Variants in NPAT observed in about 807,000 individuals in gnomAD.
NPAT encodes protein NPAT.
NPAT carries 52 observed loss-of-function variants against 130.7 expected under a neutral mutation model. That is an observed-to-expected ratio of 0.40 (90% CI 0.32 to 0.50). NPAT has a LOEUF of 0.50. Among genes scored for constraint, NPAT ranks in the 20% least tolerant of loss-of-function variants. The pLI is 0.68. For missense variants in NPAT, 1,687 were observed against 1,662.6 expected (o/e 1.01, Z -0.26); for synonymous variants, 580 against 584.8 (o/e 0.99, Z 0.12).
intron 1 of NPAT, among the ~76,000 whole-genome samples, chr11:108,218,493 G>A (rs907836068): frequency 4.6e-5 from 7 of 152,264 alleles, no homozygotes; most frequent in East Asian, 1.9e-4. Flanking sequence ...ATAATTCTTA[G>A]GAAGCCGTAC....
At position 108,217,135 on chromosome 11, in the gene NPAT, A is replaced by C. The variant is rs1297300924; in HGVS notation, c.37+5365T>G. Among the ~76,000 whole-genome samples the C allele has an allele frequency of 2.0e-5, 3 of 152,114 alleles. No homozygotes were observed. The East Asian group carries it at 5.8e-4, about 29-fold the overall frequency. On this transcript the variant is annotated intron_variant, in intron 1 of 17. Coordinates refer to ENST00000278612, the MANE Select transcript of NPAT (RefSeq NM_002519.3). Reference sequence around the variant, plus strand: ...AAACTCCAAAGATGTGCACGTTGTTAACTGGTGTGTCTAAATTATTACAGT... The same window carrying C: ...AAACTCCAAAGATGTGCACGTTGTTCACTGGTGTGTCTAAATTATTACAGT...
At chr11:108,188,783 A>T (rs1307849397) in intron 6 of NPAT, among the ~76,000 whole-genome samples, 1 of 152,256 alleles carries the variant, frequency 6.6e-6, no homozygotes, top group Non-Finnish European at 1.5e-5. Context: ...ACTGACATCA[A>T]CAAAGGCAAG....
chr11:108,161,561 T>C lies in NPAT; in HGVS notation c.3525A>G (p.Val1175=). Reference sequence around the variant, plus strand: ...AATTTTCTGGATTTTTCTGTCTTTCTACATCGCTGCATAATTCATTCTCCT... The same window carrying C: ...AATTTTCTGGATTTTTCTGTCTTTCCACATCGCTGCATAATTCATTCTCCT... ...ANKENELCSD[V]ERQKNPENSK... Residue 1175 remains valine, a synonymous_variant, in exon 17 of 18, where the codon GTA becomes GTG. Transcript: ENST00000278612. 1 of 1,614,224 alleles carries C rather than the reference T, an allele frequency of 6.2e-7. No individual in the cohort carries two copies. Among genetic ancestry groups the C allele is most frequent in the Non-Finnish European group, 8.5e-7 (1 of 1,180,028 alleles).
At chr11:108,167,967 C>A (rs1302690577) in intron 15 of NPAT, among the ~76,000 whole-genome samples, 1 of 152,094 alleles carries the variant, frequency 6.6e-6, no homozygotes, top group Non-Finnish European at 1.5e-5. Flanking sequence ...AGATTCCAAA[C>A]TTTATTAGTA....
intron 15 of NPAT, among the ~76,000 whole-genome samples, chr11:108,162,500 G>A (rs191153343): frequency 8.1e-4 from 123 of 152,194 alleles, no homozygotes; most frequent in Admixed American, 3.4e-3. Context: ...GCATGATCTC[G>A]GCTCACTGCA....
In NPAT at chr11:108,172,547, T is replaced by C; in HGVS notation, c.2437A>G (p.Ser813Gly). 6.2e-7 allele frequency: 1 copy of C among 1,614,208 alleles called. No individual in the cohort carries two copies. Among genetic ancestry groups the C allele is most frequent in the Non-Finnish European group, 8.5e-7 (1 of 1,180,034 alleles). Residue 813 changes from serine (S) to glycine (G), a missense_variant, in exon 13 of 18, where the codon AGT becomes GGT. By Grantham distance (56) the Ser-to-Gly change is moderately conservative (BLOSUM62 0). Coordinates refer to ENST00000278612, the MANE Select transcript of NPAT (RefSeq NM_002519.3). ...EVGDSASMEQ[S>G]LLTFKSEDSA... ...TCTTCAGATTTGAATGTTAAAAGAC[T>C]CTGTTCCATTGAGGCTGAATCCCCT...
At chr11:108,162,458 T>G (rs1218710626) in intron 15 of NPAT, among the ~76,000 whole-genome samples, 1 of 152,064 alleles carries the variant, frequency 6.6e-6, no homozygotes, top group Non-Finnish European at 1.5e-5. Context: ...TGAGACAGAG[T>G]CATGCTCTAT....
At chr11:108,207,819 C>A (rs2078343550) in intron 1 of NPAT, among the ~76,000 whole-genome samples, 1 of 152,174 alleles carries the variant, frequency 6.6e-6, no homozygotes, top group Non-Finnish European at 1.5e-5. Flanking sequence ...TGGAAGGGGA[C>A]AGGGCACCCA....
chr11:108,197,167 T>A, intron 2 of NPAT, 135 bp downstream of exon 2: 1 of 700,770 alleles, frequency 1.4e-6, no homozygotes, highest in Admixed American at 2.3e-5. Flanking sequence ...CTTTGGGTCT[T>A]ACCAGTCATG....
At chr11:108,200,205 G>T (rs764226268) in intron 1 of NPAT, among the ~76,000 whole-genome samples, 1 of 152,172 alleles carries the variant, frequency 6.6e-6, no homozygotes, top group Non-Finnish European at 1.5e-5. Context: ...ATGACTACAG[G>T]GAGCTTTGCT....
chr11:108,186,973 T>C (rs2078113818), intron 7 of NPAT, among the ~76,000 whole-genome samples: 1 of 152,152 alleles, frequency 6.6e-6, no homozygotes, highest in Non-Finnish European at 1.5e-5. Flanking sequence ...TTCAAAAAAA[T>C]GAGTTTGAAG....
intron 1 of NPAT, among the ~76,000 whole-genome samples, chr11:108,204,072 G>A (rs371464195): frequency 2.6e-5 from 4 of 152,112 alleles, no homozygotes; most frequent in Admixed American, 6.6e-5. Context: ...ACAGCACCCC[G>A]TCAGCAGAAA....
At chr11:108,211,946 T>C (rs2078387567) in intron 1 of NPAT, among the ~76,000 whole-genome samples, 1 of 151,884 alleles carries the variant, frequency 6.6e-6, no homozygotes, top group Non-Finnish European at 1.5e-5. Flanking sequence ...TAAGAACCTG[T>C]TTCAAAAGCA....
chr11:108,199,519 G>A (rs988229926), intron 1 of NPAT, among the ~76,000 whole-genome samples: 4 of 152,206 alleles, frequency 2.6e-5, no homozygotes, highest in Admixed American at 2.0e-4. Context: ...AAGGGTAAGA[G>A]TGGACCTCTT....
Position 108,161,566 on chromosome 11 carries a change from C to G in NPAT, c.3520G>C (p.Asp1174His). The G allele has an allele frequency of 1.9e-6, 3 of 1,614,158 alleles. No individual in the cohort carries two copies. Among genetic ancestry groups the G allele is most frequent in the Non-Finnish European group, 2.5e-6 (3 of 1,180,038 alleles). ...TCTGGATTTTTCTGTCTTTCTACATCGCTGCATAATTCATTCTCCTTATTA... is the reference window on the plus strand; with the variant it reads ...TCTGGATTTTTCTGTCTTTCTACATGGCTGCATAATTCATTCTCCTTATTA... ...TANKENELCS[D>H]VERQKNPENS... Residue 1174 changes from aspartate to histidine, a missense_variant, in exon 17 of 18, where the codon GAT (aspartate) becomes CAT (histidine). Physicochemically the swap from Asp to His is moderately conservative, Grantham distance 81. Coordinates refer to ENST00000278612, the MANE Select transcript of NPAT (RefSeq NM_002519.3).
At chr11:108,175,226 T>C (rs143829882) in intron 12 of NPAT, among the ~76,000 whole-genome samples, 2,408 of 152,318 alleles carry the variant, frequency 0.016, 38 homozygotes, top group Non-Finnish European at 0.025. Flanking sequence ...TTTCTTACTG[T>C]GCCTAACTTT....
chr11:108,165,821 G>A (rs1370386814), intron 15 of NPAT, among the ~76,000 whole-genome samples: 1 of 151,798 alleles, frequency 6.6e-6, no homozygotes, highest in African/African-American at 2.4e-5. Context: ...TTTTAGTAGA[G>A]ACGGGGTTTC....
chr11:108,173,834 G>A lies in NPAT; in HGVS notation c.1150C>T (p.Pro384Ser), dbSNP rs1283143966. ...TTCTGATAGGATGTACAAAAAGCGG[G>A]CTGACCAGACTGACCATCTGCAAAG... The part of the protein sequence containing the change: ...TEESDGQSGQ[P>S]AFCTSYQNDD... The change falls in exon 13 of 18, where the codon CCC becomes TCC. Residue 384 changes from proline (P) to serine (S), a missense_variant. Pro to Ser is a moderately conservative substitution (Grantham distance 74). Transcript: ENST00000278612. 4 of 1,614,130 alleles carry A rather than the reference G, an allele frequency of 2.5e-6. No individual in the cohort carries two copies. The highest frequency in any genetic ancestry group is 2.5e-6 in the Non-Finnish European group (3 of 1,180,018).
rs1484070430 is a variant in NPAT at position 108,203,474 on chromosome 11, C to T, written c.38-6054G>A. Reference sequence around the variant, plus strand: ...GGAAAATATTCTTAGATTCATCATACTCGAGTAAAGGCCTGGGAAAACTGA... The same window carrying T: ...GGAAAATATTCTTAGATTCATCATATTCGAGTAAAGGCCTGGGAAAACTGA... On this transcript the variant is annotated intron_variant, in intron 1 of 17. Transcript: ENST00000278612. 5.9e-5 allele frequency among the ~76,000 whole-genome samples: 9 copies of T among 152,264 alleles called. No homozygotes were observed. The East Asian group carries it at 1.7e-3, about 29-fold the overall frequency.
Sources: gnomAD v4.1 joint callset for allele counts (sites outside exome capture counted in the v4.1 genomes callset) on GRCh38, gnomAD v4.1.1 for gene constraint, MANE v1.5 for transcripts, NCBI Gene and HGNC (gene_info 2026-07-23, HGNC 2026-07-21) for gene names.